The following FRYL variants were observed in gnomAD, a reference collection of about 807,000 sequenced individuals.
FRYL encodes the protein FRY like transcription coactivator.
In FRYL, 150 loss-of-function variants were observed where a neutral mutation model predicts 351.2. The observed-to-expected ratio is 0.43, with a 90% confidence interval of 0.37 to 0.49. FRYL has a LOEUF of 0.49. Among genes scored for constraint, FRYL ranks in the 20% least tolerant of loss-of-function variants. The pLI, the probability that FRYL is intolerant of heterozygous loss-of-function variation, is 0.00. For synonymous variants in FRYL, 1,153 were observed against 1,257.1 expected, an observed-to-expected ratio of 0.92 and a Z score of 1.75; for missense variants, 3,036 against 3,619.3, an observed-to-expected ratio of 0.84 and a Z score of 4.13.
chr4:48,745,322 TATTCACA>T (rs1772547110), intron 1 of FRYL, among the ~76,000 whole-genome samples: 2 of 152,184 alleles, frequency 1.3e-5, no homozygotes, highest in Admixed American at 1.3e-4. Context: ...ATTGCAGCAC[TATTCACA>T]ATAGCAAAGA....
Position 48,540,845 on chromosome 4 carries a change from T to C in FRYL, c.5803A>G (p.Ser1935Gly). The C allele has an allele frequency of 6.2e-7, 1 of 1,614,080 alleles. No homozygotes were observed. Among genetic ancestry groups the C allele is most frequent in the Non-Finnish European group, 8.5e-7 (1 of 1,179,964 alleles). Residue 1935 changes from serine to glycine, a missense_variant, in exon 46 of 64, where the codon AGT becomes GGT. Ser to Gly is a moderately conservative substitution (Grantham distance 56, BLOSUM62 0). Transcript: ENST00000358350. ...CTCAAAGAGTTACTTCTTGCATTAC[T>C]GTTATATCCCAAATAACTGCTACTA... is the stretch of plus-strand genomic sequence containing the variant. The part of the protein sequence containing the change: ...INSSSYLGYN[S>G]NARSNSLRLS...
chr4:48,651,066 A>T (rs1757525975), intron 3 of FRYL, among the ~76,000 whole-genome samples: 1 of 152,044 alleles, frequency 6.6e-6, no homozygotes. Flanking sequence ...TTAAGTCTCC[A>T]CTGACCCTGT....
intron 25 of FRYL, among the ~76,000 whole-genome samples, chr4:48,574,298 TGAG>T (rs2149123947): frequency 6.6e-6 from 1 of 152,336 alleles, no homozygotes; most frequent in East Asian, 1.9e-4. Context: ...TATTTTAAGT[TGAG>T]ATCACTTTTA....
chr4:48,530,875 C>T (rs1727423751), intron 50 of FRYL, among the ~76,000 whole-genome samples: 1 of 152,116 alleles, frequency 6.6e-6, no homozygotes, highest in Non-Finnish European at 1.5e-5. Flanking sequence ...TGTATTCCAG[C>T]CGAGTGTTGA....
intron 1 of FRYL, among the ~76,000 whole-genome samples, chr4:48,741,253 T>C (rs749550849): frequency 5.3e-5 from 8 of 151,588 alleles, no homozygotes; most frequent in Non-Finnish European, 1.0e-4. Flanking sequence ...ATTAAAAAAA[T>C]AGAAAAATGA....
intron 3 of FRYL, among the ~76,000 whole-genome samples, chr4:48,681,368 C>T (rs549466747): frequency 3.6e-4 from 55 of 152,246 alleles, no homozygotes; most frequent in Admixed American, 5.9e-4. Context: ...CCTTCATGTA[C>T]GCGTACATGT....
chr4:48,653,224 T>C (rs1049124874), intron 3 of FRYL, among the ~76,000 whole-genome samples: 1 of 152,174 alleles, frequency 6.6e-6, no homozygotes, highest in Non-Finnish European at 1.5e-5. Flanking sequence ...TTACTACATA[T>C]GAAAATTACA....
In FRYL at chr4:48,557,081, A is replaced by C; in HGVS notation, c.4163T>G (p.Val1388Gly). 6.2e-7 allele frequency: 1 copy of C among 1,606,578 alleles called. No individual in the cohort carries two copies. Among genetic ancestry groups the C allele is most frequent in the Non-Finnish European group, 8.5e-7 (1 of 1,176,422 alleles). Residue 1388 changes from valine to glycine, a missense_variant, in exon 35 of 64, where the codon GTG (valine) becomes GGG (glycine). Physicochemically the swap from Val to Gly is moderately radical, Grantham distance 109 (BLOSUM62 -3). This residue lies in a region of FRYL where 1,987 missense variants were observed against 2,311.7 expected (regional missense o/e 0.86). Transcript: ENST00000358350. ...CCAGCCATCTGCAAGTGTGGTCCACACATTCTCCACCTCCGACCAGGCCAG... is the reference window on the plus strand; with the variant it reads ...CCAGCCATCTGCAAGTGTGGTCCACCCATTCTCCACCTCCGACCAGGCCAG... ...DELAWSEVEN[V>G]WTTLADGWPK...
At chr4:48,762,847 A>G (rs1429476187) in intron 1 of FRYL, among the ~76,000 whole-genome samples, 2 of 152,184 alleles carry the variant, frequency 1.3e-5, no homozygotes, top group Non-Finnish European at 2.9e-5. Context: ...TCCAAAGTAT[A>G]CAATAAAACA....
intron 1 of FRYL, among the ~76,000 whole-genome samples, chr4:48,757,642 T>A (rs986742251): frequency 2.6e-5 from 4 of 152,092 alleles, no homozygotes; most frequent in African/African-American, 9.7e-5. Flanking sequence ...GAAGAATCAA[T>A]ATCGTGAAAA....
chr4:48,639,136 A>C (rs2149387037), intron 3 of FRYL, among the ~76,000 whole-genome samples: 1 of 152,180 alleles, frequency 6.6e-6, no homozygotes. Flanking sequence ...AAAAGCAAAC[A>C]CAAAATTTTT....
At chr4:48,682,496 G>A (rs1764729775) in intron 3 of FRYL, among the ~76,000 whole-genome samples, 1 of 151,490 alleles carries the variant, frequency 6.6e-6, no homozygotes, top group African/African-American at 2.4e-5. Context: ...CAGAATGGGA[G>A]AAAATTTTCA....
chr4:48,637,512 T>A (rs932183019), intron 3 of FRYL: 5 of 152,134 alleles, frequency 3.3e-5, no homozygotes, highest in Non-Finnish European at 7.4e-5. Context: ...GAAAGATTTA[T>A]GTAAGCCTAT....
At chr4:48,702,387 C>T (rs1373800036) in intron 2 of FRYL, among the ~76,000 whole-genome samples, 20 of 125,728 alleles carry the variant, frequency 1.6e-4, no homozygotes, top group Non-Finnish European at 2.7e-4. Flanking sequence ...ACCCTAGAGG[C>T]GGAGGTTGCA....
chr4:48,776,152 CTT>C (rs1257854116), intron 1 of FRYL, among the ~76,000 whole-genome samples: 17 of 140,654 alleles, frequency 1.2e-4, no homozygotes, highest in Non-Finnish European at 6.2e-5. Context: ...CTTTTCGTTT[CTT>C]TTTTTTTTTT....
Position 48,527,669 on chromosome 4 carries a change from A to T in FRYL, c.7141-16T>A, listed in dbSNP as rs1202198862. 5 of 1,188,216 alleles carry T rather than the reference A, an allele frequency of 4.2e-6. No homozygotes were observed. In the East Asian group the frequency reaches 1.6e-4, roughly 38 times the overall value. 73.6% of individuals were successfully genotyped at this position (1,188,216 alleles called of 1,614,324 possible). On this transcript the variant is annotated splice_polypyrimidine_tract_variant and intron_variant, in intron 52 of 63. Coordinates refer to ENST00000358350, the MANE Select transcript of FRYL (RefSeq NM_015030.2). ...AAAATACAACCTGATGCCCGATTAA[A>T]AAAAAAAAAAAAGTCCATCCATCAG...
intron 3 of FRYL, among the ~76,000 whole-genome samples, chr4:48,669,842 A>T (rs1762359173): frequency 6.6e-6 from 1 of 152,002 alleles, no homozygotes; most frequent in Admixed American, 6.5e-5. Context: ...TAACTGTCCC[A>T]ATTTTTAATA....
chr4:48,649,588 A>G (rs538108885), intron 3 of FRYL, among the ~76,000 whole-genome samples: 12 of 152,330 alleles, frequency 7.9e-5, no homozygotes, highest in Admixed American at 6.5e-4. Context: ...GAACTAAGCC[A>G]ATCTTTTAAA....
intron 1 of FRYL, among the ~76,000 whole-genome samples, chr4:48,712,758 A>G (rs1768247138): frequency 6.6e-6 from 1 of 151,940 alleles, no homozygotes; most frequent in Admixed American, 6.6e-5. Flanking sequence ...CTCCAAGACA[A>G]CTCCAAGACA....
Sources: gnomAD v4.1 joint callset for allele counts (sites outside exome capture counted in the v4.1 genomes callset) on GRCh38, gnomAD v4.1.1 for gene constraint, gnomAD v4.1.1 regional missense constraint, MANE v1.5 for transcripts, NCBI Gene and HGNC (gene_info 2026-07-23, HGNC 2026-07-21) for gene names.